Variants in TJP2 observed in about 807,000 individuals in gnomAD.
TJP2 encodes tight junction protein 2, also known as Friedreich ataxia region gene X104 (tight junction protein ZO-2).
Under a neutral mutation model 133.1 loss-of-function variants are expected in TJP2, and 91 were observed. The observed-to-expected ratio is 0.68, with a 90% CI of 0.58 to 0.81. The LOEUF (loss-of-function observed/expected upper bound fraction) is 0.81, where lower values mean the gene tolerates loss of function less well. TJP2 is among the 40% of genes least tolerant of loss of function. TJP2 has a pLI of 0.00. For synonymous variants in TJP2, 592 were observed against 583.4 expected, an observed-to-expected ratio of 1.01 and a Z score of -0.21; for missense variants, 1,541 against 1,565.6, an observed-to-expected ratio of 0.98 and a Z score of 0.26.
intron 2 of TJP2, among the ~76,000 whole-genome samples, chr9:69,163,942 C>T (rs1055615678): frequency 2.0e-5 from 3 of 152,120 alleles, no homozygotes; most frequent in African/African-American, 7.2e-5. Context: ...TGTCAGATCC[C>T]AACGCCCTTC....
chr9:69,218,481 G>A, intron 4 of TJP2, 122 bp downstream of exon 4: 3 of 756,006 alleles, frequency 4.0e-6, no homozygotes, highest in Non-Finnish European at 7.1e-6. Context: ...GCTGTTCTTG[G>A]ATCCTCAGTA....
chr9:69,151,104 A>G (rs1220190371), intron 1 of TJP2, among the ~76,000 whole-genome samples: 1 of 152,212 alleles, frequency 6.6e-6, no homozygotes, highest in African/African-American at 2.4e-5. Flanking sequence ...CCTAGGGCCA[A>G]GAGGCAGAGA....
intron 1 of TJP2, among the ~76,000 whole-genome samples, chr9:69,201,841 T>C (rs1265686538): frequency 6.6e-6 from 1 of 152,182 alleles, no homozygotes; most frequent in Non-Finnish European, 1.5e-5. Context: ...CATTATGCTA[T>C]GTGAAGTAAG....
chr9:69,212,739 G>T, intron 2 of TJP2, 138 bp downstream of exon 2: 1 of 681,128 alleles, frequency 1.5e-6, no homozygotes, highest in Non-Finnish European at 2.6e-6. Context: ...ATACTAACTG[G>T]CAATAATTGC....
intron 2 of TJP2, chr9:69,151,774 A>G: frequency 8.1e-7 from 1 of 1,232,038 alleles, no homozygotes. Flanking sequence ...GTTGCCAGGT[A>G]TTTGCTTATT....
intron 11 of TJP2, 49 bp downstream of exon 11, chr9:69,230,281 C>G: frequency 6.2e-7 from 1 of 1,611,226 alleles, no homozygotes; most frequent in South Asian, 1.1e-5. Flanking sequence ...AAGGAGTGCA[C>G]TTTTCTGGGT....
intron 1 of TJP2, among the ~76,000 whole-genome samples, chr9:69,180,906 C>G (rs547184827): frequency 6.6e-6 from 1 of 152,062 alleles, no homozygotes; most frequent in South Asian, 2.1e-4. Context: ...AGCCCTGAGC[C>G]CCTCCCTGGT....
At position 69,183,695 on chromosome 9, in the gene TJP2, T is replaced by C. The variant is rs571196431; in HGVS notation, c.60+9263T>C. Among the ~76,000 whole-genome samples the C allele has an allele frequency of 1.3e-5, 2 of 152,334 alleles. 1 individual carries two copies. The highest frequency in any genetic ancestry group is 4.1e-4 in the South Asian group (2 of 4,834). On this transcript the variant is annotated intron_variant, in intron 1 of 22. Transcript: ENST00000377245. ...CACCCATTTCTCTTGTGTGAATTCC[T>C]AGGACCATAGGTTAGGGATTTTTTA... is the stretch of plus-strand genomic sequence containing the variant.
intron 1 of TJP2, among the ~76,000 whole-genome samples, chr9:69,134,031 A>G (rs1482587443): frequency 6.6e-6 from 1 of 151,776 alleles, no homozygotes; most frequent in Non-Finnish European, 1.5e-5. Flanking sequence ...CCTATGTCCT[A>G]CCCTGGTTCC....
intron 1 of TJP2, among the ~76,000 whole-genome samples, chr9:69,179,690 G>C (rs1047594243): frequency 3.3e-5 from 5 of 151,658 alleles, no homozygotes; most frequent in African/African-American, 4.8e-5. Flanking sequence ...TAGTAGAGAC[G>C]GGGTTTCACC....
intron 15 of TJP2, 24 bp downstream of exon 15, chr9:69,237,997 T>A (rs766232655): frequency 6.4e-6 from 10 of 1,574,164 alleles, no homozygotes; most frequent in Non-Finnish European, 8.7e-6. Flanking sequence ...TGTTTTTTTT[T>A]CCCCCAAATT....
At chr9:69,217,419 C>A (rs1311404462) in intron 3 of TJP2, among the ~76,000 whole-genome samples, 3 of 152,174 alleles carry the variant, frequency 2.0e-5, no homozygotes, top group Non-Finnish European at 2.9e-5. Flanking sequence ...GTGTTTAAAG[C>A]CTCTGTGAAC....
intron 1 of TJP2, among the ~76,000 whole-genome samples, chr9:69,148,468 G>A (rs753948665): frequency 6.7e-6 from 1 of 150,142 alleles, no homozygotes; most frequent in African/African-American, 2.5e-5. Context: ...TCTGCCTTCC[G>A]GGTTGAAGCA....
chr9:69,145,500 A>G (rs183657465), intron 1 of TJP2: 104 of 362,196 alleles, frequency 2.9e-4, no homozygotes, highest in Non-Finnish European at 3.9e-5. Context: ...TTAGCCTTGT[A>G]TAATACTGCC....
chr9:69,121,292 A>G (rs1390202687), upstream of TJP2: 4 of 985,150 alleles, frequency 4.1e-6, no homozygotes, highest in Non-Finnish European at 4.8e-6. Context: ...CGACACCCCA[A>G]AGTAGCGCTG....
intron 1 of TJP2, among the ~76,000 whole-genome samples, chr9:69,176,527 C>A (rs948578023): frequency 1.3e-5 from 2 of 152,170 alleles, no homozygotes; most frequent in African/African-American, 4.8e-5. Flanking sequence ...AGAAATCCCT[C>A]ATGTATTAAA....
At chr9:69,189,572 A>T (rs1329088197) in intron 1 of TJP2, among the ~76,000 whole-genome samples, 1 of 149,524 alleles carries the variant, frequency 6.7e-6, no homozygotes, top group East Asian at 2.0e-4. Context: ...GTGAGTTCTG[A>T]TTGTCCTGTG....
rs192413277 is a variant in TJP2 at position 69,230,850 on chromosome 9, T to C, written c.1671+618T>C. On this transcript the variant is annotated intron_variant, in intron 11 of 22. Transcript: ENST00000377245. ...GGTGAGTGTCCATTCTTTTTTCTTA[T>C]TGGAAGATAACAAATAGCTGCTACT... 2.0e-5 allele frequency among the ~76,000 whole-genome samples: 3 copies of C among 152,342 alleles called. No homozygotes were observed. The East Asian group carries it at 5.8e-4, about 29-fold the overall frequency.
chr9:69,254,170 A>T, intron 22 of TJP2, 39 bp from the exon 23 acceptor site: 2 of 1,613,428 alleles, frequency 1.2e-6, no homozygotes, highest in Non-Finnish European at 1.7e-6. Context: ...GAGGACATGG[A>T]TGTGCTCTGG....
Sources: allele counts gnomAD v4.1 joint callset (sites outside exome capture counted in the v4.1 genomes callset), GRCh38; gene constraint gnomAD v4.1.1; transcripts MANE v1.5; gene names NCBI Gene and HGNC (gene_info 2026-07-23, HGNC 2026-07-21).